INTS2: variants seen among roughly 807,000 people sequenced by gnomAD.
INTS2 encodes integrator complex subunit 2, also known as KIAA1287.
In INTS2, 57 loss-of-function variants were observed where a neutral mutation model predicts 139.6. The ratio of observed to expected loss-of-function variants is 0.41; its 90% CI spans 0.33 to 0.51. The LOEUF is 0.51. INTS2 is among the 20% of genes least tolerant of loss of function. The pLI is 0.28. For missense variants in INTS2, 1,196 were observed against 1,436.7 expected (o/e 0.83, Z 2.71); for synonymous variants, 473 against 493.4 (o/e 0.96, Z 0.55).
chr17:61,872,413 A>T lies in INTS2; in HGVS notation c.2630T>A (p.Leu877His). Residue 877 changes from leucine to histidine, a missense_variant, in exon 20 of 25, where the codon CTT becomes CAT. Coordinates refer to ENST00000251334, the MANE Select transcript of INTS2 (RefSeq NM_001351695.2). This position sits in a 1 kb window ranked among gnomAD's most constrained non-coding sequence, Gnocchi z 4.8. ...ACTAAGGTAGGCTTTAGATGCAAGA[A>T]GATATCCATTCAACATGTGTAGGGT... ...DITLHMLNGY[L>H]LASKAYLSAH... The T allele has an allele frequency of 1.2e-6, 2 of 1,611,166 alleles. No individual in the cohort carries two copies. Among genetic ancestry groups the T allele is most frequent in the Non-Finnish European group, 1.7e-6 (2 of 1,177,820 alleles).
At chr17:61,920,673 C>T (rs368108444) in intron 4 of INTS2, among the ~76,000 whole-genome samples, 11 of 151,968 alleles carry the variant, frequency 7.2e-5, no homozygotes, top group African/African-American at 2.4e-4. Flanking sequence ...CATGGTGCCG[C>T]ATGCCTGTAA....
rs529011531 is a variant in INTS2, at chr17:61,893,331, A to G, written c.1698+434T>C. ...GCTTAATACCACACATTTCCTACAC[A>G]AAACCCACAATAAATGCCTACAAAC... is the stretch of plus-strand genomic sequence containing the variant. On this transcript the variant is annotated intron_variant, in intron 13 of 24. Coordinates refer to ENST00000251334, the MANE Select transcript of INTS2 (RefSeq NM_001351695.2). The surrounding 1 kb of genome is among the most constrained non-coding windows in gnomAD (Gnocchi z 5.4). Among the ~76,000 whole-genome samples, 73 of 152,294 alleles carry G rather than the reference A, an allele frequency of 4.8e-4. 1 individual carries two copies. The highest frequency in any genetic ancestry group is 1.7e-3 in the African/African-American group (69 of 41,564).
intron 12 of INTS2, among the ~76,000 whole-genome samples, chr17:61,894,456 C>A (rs1448753730): frequency 6.6e-6 from 1 of 152,230 alleles, no homozygotes; most frequent in Non-Finnish European, 1.5e-5. Context: ...GATTCTCCCA[C>A]ATGCTGTGTG....
chr17:61,900,103 A>G (rs1441148408), intron 9 of INTS2, among the ~76,000 whole-genome samples: 2 of 152,172 alleles, frequency 1.3e-5, no homozygotes, highest in Non-Finnish European at 2.9e-5. Context: ...ACAACACCAC[A>G]AAATACTGGA....
In INTS2 at chr17:61,891,534, A is replaced by G; in HGVS notation, c.1854T>C (p.Asn618=). 6.2e-7 allele frequency: 1 copy of G among 1,613,336 alleles called. No individual in the cohort carries two copies. The highest frequency in any genetic ancestry group is 1.1e-5 in the South Asian group (1 of 90,950). Residue 618 remains asparagine (N), a synonymous_variant, in exon 14 of 25, where the codon AAT becomes AAC. Transcript: ENST00000251334. ...TTACCCCAATGACTCCTTGGAAAATATTGAGTATCTCCTGTTCTGTGACTG... is the reference window on the plus strand; with the variant it reads ...TTACCCCAATGACTCCTTGGAAAATGTTGAGTATCTCCTGTTCTGTGACTG... ...NQPVTEQEIL[N]IFQGVIGGDN...
At chr17:61,918,447 G>A (rs987843623) in intron 5 of INTS2, among the ~76,000 whole-genome samples, 66 of 152,070 alleles carry the variant, frequency 4.3e-4, no homozygotes, top group African/African-American at 1.6e-3. Flanking sequence ...TCACTATGTT[G>A]GCCAGGCTGG....
At chr17:61,914,061 T>C (rs1193635813) in intron 5 of INTS2, among the ~76,000 whole-genome samples, 1 of 150,412 alleles carries the variant, frequency 6.6e-6, no homozygotes, top group African/African-American at 2.4e-5. Flanking sequence ...ATGTATACAG[T>C]CTAAACACTC....
chr17:61,884,777 G>T, intron 16 of INTS2, 124 bp downstream of exon 16: 2 of 676,270 alleles, frequency 3.0e-6, no homozygotes, highest in Non-Finnish European at 5.1e-6. Flanking sequence ...GGGAGGCAAA[G>T]AGGAATTTCA....
chr17:61,911,198 A>G, intron 7 of INTS2: 2 of 347,708 alleles, frequency 5.8e-6, no homozygotes, highest in Non-Finnish European at 1.0e-5. Flanking sequence ...GGCTTAAGCA[A>G]TCTTCCTGCT....
At position 61,891,503 on chromosome 17, in the gene INTS2, A is replaced by G; in HGVS notation, c.1875+10T>C. ...ATAAGTTAATAGATATAAAAGAACC[A>G]CTATTTTACCCCAATGACTCCTTGG... On this transcript the variant is annotated intron_variant, in intron 14 of 24. Coordinates refer to ENST00000251334, the MANE Select transcript of INTS2 (RefSeq NM_001351695.2). 2 of 1,590,762 alleles carry G rather than the reference A, an allele frequency of 1.3e-6. No individual in the cohort carries two copies. The highest frequency in any genetic ancestry group is 8.6e-7 in the Non-Finnish European group (1 of 1,165,386).
chr17:61,901,267 CTAAA>C (rs1020448961), intron 9 of INTS2, among the ~76,000 whole-genome samples: 1 of 150,624 alleles, frequency 6.6e-6, no homozygotes. Flanking sequence ...GCCCCCATCT[CTAAA>C]TAAATAAATA....
intron 15 of INTS2, among the ~76,000 whole-genome samples, chr17:61,887,261 T>C (rs1238073584): frequency 6.6e-6 from 1 of 152,042 alleles, no homozygotes; most frequent in Non-Finnish European, 1.5e-5. Flanking sequence ...GGTGGGTGGA[T>C]GACTTGAGGT....
intron 5 of INTS2, among the ~76,000 whole-genome samples, chr17:61,914,576 G>A (rs973232316): frequency 1.6e-4 from 25 of 151,614 alleles, no homozygotes; most frequent in Non-Finnish European, 2.8e-4. Context: ...GGTGGCGGGC[G>A]CCTGTAGTCC....
Position 61,893,961 on chromosome 17 carries a change from G to T in INTS2, c.1564-62C>A. The T allele has an allele frequency of 8.4e-7, 1 of 1,188,958 alleles. No individual in the cohort carries two copies. Among genetic ancestry groups the T allele is most frequent in the South Asian group, 1.8e-5 (1 of 54,958 alleles). 73.7% of individuals were successfully genotyped at this position (1,188,958 alleles called of 1,614,324 possible). A position where few individuals can be genotyped will look rare whatever the true frequency, so the allele number is the denominator to read the frequency against. ...CTAAATATAAAATTATTTTGAAAGA[G>T]AGATTAGTAAGTAGACTGTCAACAC... On this transcript the variant is annotated intron_variant, in intron 12 of 24. Coordinates refer to ENST00000251334, the MANE Select transcript of INTS2 (RefSeq NM_001351695.2). The surrounding 1 kb of genome is among the most constrained non-coding windows in gnomAD (Gnocchi z 5.4).
At position 61,889,890 on chromosome 17, in the gene INTS2, T is replaced by C. The variant is rs1205235993; in HGVS notation, c.1880A>G (p.Asp627Gly). 4 of 1,597,818 alleles carry C rather than the reference T, an allele frequency of 2.5e-6. No individual in the cohort carries two copies. The highest frequency in any genetic ancestry group is 3.4e-6 in the Non-Finnish European group (4 of 1,166,892). ...GAAACGCTGATTAAGGCGGATGTTG[T>C]CACCCTGGAGGTAATATTACAAATA... Reference protein sequence around the residue: ...LNIFQGVIGGDNIRLNQRFSI... With the variant: ...LNIFQGVIGGGNIRLNQRFSI... The change falls in exon 15 of 25, where the codon GAC becomes GGC. Residue 627 changes from aspartate to glycine, a missense_variant. By Grantham distance (94) the Asp-to-Gly change is moderately conservative. Around this residue, in one of 3 missense-constraint regions of INTS2, gnomAD observed 1,129 missense variants for 1,341.9 expected, o/e 0.84. Coordinates refer to ENST00000251334, the MANE Select transcript of INTS2 (RefSeq NM_001351695.2).
chr17:61,898,444 GCTACTGCATCCA>G (rs1567904620), intron 9 of INTS2, among the ~76,000 whole-genome samples: 1 of 151,968 alleles, frequency 6.6e-6, no homozygotes, highest in Admixed American at 6.6e-5. Flanking sequence ...ACAGGCATGC[GCTACTGCATCCA>G]GCTAATATTT....
chr17:61,896,854 T>C (rs1049660401), intron 11 of INTS2, among the ~76,000 whole-genome samples: 1 of 152,198 alleles, frequency 6.6e-6, no homozygotes, highest in Non-Finnish European at 1.5e-5. Flanking sequence ...AATCTGACAG[T>C]ACTCATGAAA....
rs78919046 is a variant in INTS2 at position 61,883,019 on chromosome 17, C to A, written c.2090-1848G>T. Among the ~76,000 whole-genome samples the A allele has an allele frequency of 2.6e-3, 402 of 152,114 alleles. 2 individuals are homozygous for A. The highest frequency in any genetic ancestry group is 8.7e-3 in the African/African-American group (359 of 41,498). Reference sequence around the variant, plus strand: ...GATGTTTCTGTGTTTGAAAAGACATCGTAACAATCAAAAATGGCATTACTT... The same window carrying A: ...GATGTTTCTGTGTTTGAAAAGACATAGTAACAATCAAAAATGGCATTACTT... On this transcript the variant is annotated intron_variant, in intron 16 of 24. Coordinates refer to ENST00000251334, the MANE Select transcript of INTS2 (RefSeq NM_001351695.2).
At chr17:61,927,571 G>T (rs1050304279) in intron 1 of INTS2, 83 bp downstream of exon 1, 12 of 1,042,438 alleles carry the variant, frequency 1.2e-5, no homozygotes, top group African/African-American at 1.7e-5. Context: ...GAACCAATAA[G>T]TCCCTCAGGC....
Sources: gnomAD v4.1 joint callset for allele counts (sites outside exome capture counted in the v4.1 genomes callset) on GRCh38, gnomAD v4.1.1 for gene constraint, gnomAD v4.1.1 regional missense constraint, Gnocchi (gnomAD v3.1) non-coding constraint, MANE v1.5 for transcripts, NCBI Gene and HGNC (gene_info 2026-07-23, HGNC 2026-07-21) for gene names.